Variants in FREM1 observed in about 807,000 individuals in gnomAD.
FREM1 encodes the protein FRAS1-related extracellular matrix protein 1.
In FREM1, 220 loss-of-function variants were observed where a neutral mutation model predicts 210.1. The observed-to-expected ratio is 1.05, with a 90% CI of 0.94 to 1.17. FREM1 has a LOEUF of 1.17. FREM1 is among the 50% of genes most tolerant of loss of function. The pLI is 0.00. For synonymous variants in FREM1, 1,189 were observed against 980.2 expected (o/e 1.21, Z -3.98); for missense variants, 3,454 against 2,675.5 (o/e 1.29, Z -6.42).
chr9:14,744,325 C>T (rs921370195), intron 35 of FREM1, among the ~76,000 whole-genome samples: 1 of 152,050 alleles, frequency 6.6e-6, no homozygotes, highest in African/African-American at 2.4e-5. Context: ...ATTGTATATA[C>T]ATCTATTTAA....
intron 24 of FREM1, 23 bp from the exon 25 acceptor site, chr9:14,776,226 C>A (rs1848552329): frequency 6.6e-7 from 1 of 1,507,978 alleles, no homozygotes; most frequent in Middle Eastern, 1.8e-4. Flanking sequence ...GGCAAGGCAG[C>A]CTTCAGCATG....
intron 1 of FREM1, among the ~76,000 whole-genome samples, chr9:14,871,842 G>C (rs1832739323): frequency 6.6e-6 from 1 of 152,022 alleles, no homozygotes; most frequent in Non-Finnish European, 1.5e-5. Context: ...ATTTTTGTAT[G>C]AGGTGTAAGG....
intron 27 of FREM1, among the ~76,000 whole-genome samples, chr9:14,765,276 G>T (rs902707556): frequency 6.6e-6 from 1 of 152,112 alleles, no homozygotes; most frequent in Non-Finnish European, 1.5e-5. Flanking sequence ...TGATAATGGG[G>T]AAACAGTGTT....
chr9:14,892,366 TAGAAGCCCAACTAAGG>T (rs1253651038), intron 1 of FREM1, among the ~76,000 whole-genome samples: 3 of 152,092 alleles, frequency 2.0e-5, no homozygotes, highest in Non-Finnish European at 2.9e-5. Context: ...GGGATTGGGT[TAGAAGCCCAACTAAGG>T]AGAGTTAGAG....
intron 10 of FREM1, among the ~76,000 whole-genome samples, chr9:14,830,955 C>T (rs1055935872): frequency 6.6e-6 from 1 of 152,230 alleles, no homozygotes; most frequent in Non-Finnish European, 1.5e-5. Context: ...ACTCAACAGG[C>T]ATCCATCAAC....
intron 19 of FREM1, 106 bp downstream of exon 19, chr9:14,804,850 T>C: frequency 1.3e-6 from 1 of 753,070 alleles, no homozygotes; most frequent in East Asian, 2.5e-5. Flanking sequence ...TCCCCACTCC[T>C]CACCAATGCA....
At position 14,870,395 on chromosome 9, in the gene FREM1, C is replaced by A. The variant is rs578060269; in HGVS notation, c.-267-1151G>T. 2.6e-5 allele frequency among the ~76,000 whole-genome samples: 4 copies of A among 152,318 alleles called. No individual in the cohort carries two copies. In the East Asian group the frequency reaches 5.8e-4, roughly 22 times the overall value. On this transcript the variant is annotated intron_variant, in intron 1 of 36. Coordinates refer to ENST00000380880, the MANE Select transcript of FREM1 (RefSeq NM_001379081.2). Reference sequence around the variant, plus strand: ...GAGTAAAACTGTTCTCACACTCCAACTGACTCTATTGTCCACAATCAAGCT... The same window carrying A: ...GAGTAAAACTGTTCTCACACTCCAAATGACTCTATTGTCCACAATCAAGCT...
At chr9:14,819,575 G>A in intron 13 of FREM1, 133 bp from the exon 14 acceptor site, 2 of 597,416 alleles carry the variant, frequency 3.3e-6, no homozygotes, top group Admixed American at 3.0e-5. Flanking sequence ...GTGGTAAGAG[G>A]ATAAGTTCAT....
At chr9:14,778,681 GAGGGAAGGGAAGGGAAGGGA>G (rs1197881325) in intron 24 of FREM1, among the ~76,000 whole-genome samples, 10 of 11,212 alleles carry the variant, frequency 8.9e-4, no homozygotes, top group Admixed American at 1.2e-3. Context: ...GGAGGGGAGG[GAGGGAAGGGAAGGGAAGGGA>G]AGGGAAGGGA....
intron 36 of FREM1, among the ~76,000 whole-genome samples, chr9:14,738,261 G>A (rs866495989): frequency 3.3e-5 from 5 of 152,042 alleles, no homozygotes; most frequent in Admixed American, 1.3e-4. Flanking sequence ...TTTCATAATA[G>A]AAATAAAAAA....
At chr9:14,806,111 A>C (rs1818293564) in intron 18 of FREM1, among the ~76,000 whole-genome samples, 1 of 152,300 alleles carries the variant, frequency 6.6e-6, no homozygotes, top group East Asian at 1.9e-4. Flanking sequence ...TGTATTTTCC[A>C]TAAGTAAAAT....
At chr9:14,777,230 T>C (rs1012999949) in intron 24 of FREM1, among the ~76,000 whole-genome samples, 3 of 152,212 alleles carry the variant, frequency 2.0e-5, no homozygotes, top group African/African-American at 7.2e-5. Context: ...TTTGATTCTA[T>C]TGATCATGAA....
intron 19 of FREM1, among the ~76,000 whole-genome samples, chr9:14,804,612 C>G (rs1013519159): frequency 6.6e-6 from 1 of 151,848 alleles, no homozygotes; most frequent in Admixed American, 6.6e-5. Context: ...AAAACCATGA[C>G]TACTTCCAGA....
rs1254903215 is a variant in FREM1 at position 14,789,030 on chromosome 9, T to C, written c.4066A>G (p.Thr1356Ala). The change falls in exon 23 of 37, where the codon ACC (threonine) becomes GCC (alanine). Residue 1356 changes from threonine (T) to alanine (A), a missense_variant. Coordinates refer to ENST00000380880, the MANE Select transcript of FREM1 (RefSeq NM_001379081.2). ...VDLNLLRYTH[T>A]GAMDSQNQDS... ...TGATTCTGGGAATCCATTGCCCCGG[T>C]GTGTGTGTATCTCAGCAAGTTCAGA... The C allele has an allele frequency of 1.2e-6, 2 of 1,610,374 alleles. No homozygotes were observed. Among genetic ancestry groups the C allele is most frequent in the Non-Finnish European group, 8.5e-7 (1 of 1,178,244 alleles).
At chr9:14,852,887 C>T (rs964082824) in intron 5 of FREM1, among the ~76,000 whole-genome samples, 4 of 152,160 alleles carry the variant, frequency 2.6e-5, no homozygotes, top group Non-Finnish European at 5.9e-5. Context: ...AGATGTGCAA[C>T]TGAATGTAAG....
chr9:14,888,180 A>C (rs944307985), intron 1 of FREM1, among the ~76,000 whole-genome samples: 1 of 152,182 alleles, frequency 6.6e-6, no homozygotes, highest in Non-Finnish European at 1.5e-5. Context: ...AATCCCTACT[A>C]TGGTTTTAGG....
intron 22 of FREM1, 79 bp from the exon 23 acceptor site, chr9:14,789,193 C>G: frequency 1.2e-6 from 1 of 836,962 alleles, no homozygotes. Flanking sequence ...TTTTCTGTAT[C>G]CCCTAAAAAC....
intron 27 of FREM1, among the ~76,000 whole-genome samples, chr9:14,761,858 T>C (rs1845553773): frequency 6.6e-6 from 1 of 152,220 alleles, no homozygotes; most frequent in African/African-American, 2.4e-5. Context: ...ACTCTAATTT[T>C]ACATAATCAT....
intron 21 of FREM1, among the ~76,000 whole-genome samples, chr9:14,794,518 C>G (rs377113481): frequency 6.6e-6 from 1 of 152,124 alleles, no homozygotes; most frequent in Non-Finnish European, 1.5e-5. Context: ...AATTCCACCA[C>G]GATCAGGACC....
Sources: allele counts gnomAD v4.1 joint callset (sites outside exome capture counted in the v4.1 genomes callset), GRCh38; gene constraint gnomAD v4.1.1; transcripts MANE v1.5; gene names NCBI Gene and HGNC (gene_info 2026-07-23, HGNC 2026-07-21).